The following SRGAP3 variants were observed in gnomAD, a reference collection of about 807,000 sequenced individuals.
The protein encoded by SRGAP3 is SLIT-ROBO Rho GTPase activating protein 3.
In SRGAP3, 39 loss-of-function variants were observed where a neutral mutation model predicts 121.1. The ratio of observed to expected loss-of-function variants is 0.32; its 90% CI spans 0.25 to 0.42. The LOEUF (loss-of-function observed/expected upper bound fraction) is 0.42. SRGAP3 is among the 10% of genes least tolerant of loss of function. SRGAP3 has a pLI of 1.00. For synonymous variants in SRGAP3, 601 were observed against 570.0 expected (o/e 1.05, Z -0.77); for missense variants, 1,213 against 1,470.6 (o/e 0.82, Z 2.86).
chr3:9,086,835 C>T lies in SRGAP3; in HGVS notation c.424-6748G>A, dbSNP rs1245315433. 2.3e-5 allele frequency among the ~76,000 whole-genome samples: 3 copies of T among 131,420 alleles called. No individual in the cohort carries two copies. In the East Asian group the frequency reaches 6.5e-4, roughly 29 times the overall value. 86.2% of individuals were successfully genotyped at this position (131,420 alleles called of 152,430 possible). On this transcript the variant is annotated intron_variant, in intron 3 of 21. Coordinates refer to ENST00000383836, the MANE Select transcript of SRGAP3 (RefSeq NM_014850.4). ...TATACATATACATATAGGTATAGTA[C>T]ATATGTATACATACTATACACATAT...
intron 1 of SRGAP3, among the ~76,000 whole-genome samples, chr3:9,128,880 G>A (rs181590204): frequency 5.9e-5 from 9 of 152,260 alleles, no homozygotes; most frequent in Admixed American, 2.0e-4. Context: ...GATAGAGGTC[G>A]GAAAAGTGGT....
chr3:9,264,437 G>T (rs1030397463), intron 3 of SRGAP3, among the ~76,000 whole-genome samples: 1 of 152,190 alleles, frequency 6.6e-6, no homozygotes, highest in African/African-American at 2.4e-5. Flanking sequence ...AATTGTCTCT[G>T]TTTGCAGATG....
At chr3:9,154,302 G>A (rs917130728) in intron 1 of SRGAP3, among the ~76,000 whole-genome samples, 12 of 151,968 alleles carry the variant, frequency 7.9e-5, no homozygotes, top group Admixed American at 5.2e-4. Context: ...CACCACCGCC[G>A]CCCCTGGGGA....
chr3:9,170,089 C>A (rs749976244), intron 1 of SRGAP3, among the ~76,000 whole-genome samples: 1 of 152,134 alleles, frequency 6.6e-6, no homozygotes, highest in South Asian at 2.1e-4. Flanking sequence ...CACCTGACAC[C>A]GCCCCACAGG....
At chr3:9,196,296 A>G (rs1951914035) in intron 1 of SRGAP3, among the ~76,000 whole-genome samples, 1 of 152,176 alleles carries the variant, frequency 6.6e-6, no homozygotes, top group Non-Finnish European at 1.5e-5. Flanking sequence ...TTCCATGGCT[A>G]CGGTGTGATT....
At chr3:9,144,075 ATTC>A (rs1949946591) in intron 1 of SRGAP3, among the ~76,000 whole-genome samples, 1 of 151,672 alleles carries the variant, frequency 6.6e-6, no homozygotes, top group Non-Finnish European at 1.5e-5. Flanking sequence ...TTTCAGATCA[ATTC>A]TTCTTTAGAA....
At chr3:9,136,057 A>G (rs918273391) in intron 1 of SRGAP3, among the ~76,000 whole-genome samples, 1 of 152,212 alleles carries the variant, frequency 6.6e-6, no homozygotes, top group Non-Finnish European at 1.5e-5. Flanking sequence ...CCCAGGCGCC[A>G]TCTCGCGCCC....
chr3:9,313,185 G>A (rs1032712668), intron 3 of SRGAP3, among the ~76,000 whole-genome samples: 2 of 151,992 alleles, frequency 1.3e-5, no homozygotes. Flanking sequence ...CCGCCTAAGA[G>A]CCTTTGCACT....
At chr3:9,199,848 A>T (rs1145156) in intron 1 of SRGAP3, among the ~76,000 whole-genome samples, 84,045 of 152,140 alleles carry the variant, frequency 0.55, 25,006 homozygotes, top group African/African-American at 0.78. Context: ...TTACAAACAC[A>T]TGGTCTCTGT....
chr3:9,267,232 G>A (rs564034092), intron 3 of SRGAP3, among the ~76,000 whole-genome samples: 22 of 152,248 alleles, frequency 1.4e-4, no homozygotes, highest in African/African-American at 5.1e-4. Flanking sequence ...TGATGACTGA[G>A]AAAGATATAG....
chr3:9,161,537 G>A (rs1950599114), intron 1 of SRGAP3, among the ~76,000 whole-genome samples: 1 of 152,236 alleles, frequency 6.6e-6, no homozygotes, highest in South Asian at 2.1e-4. Flanking sequence ...TATAAACCCT[G>A]CTCTATCTCC....
intron 15 of SRGAP3, 108 bp downstream of exon 15, chr3:9,015,489 C>A: frequency 7.0e-7 from 1 of 1,433,614 alleles, no homozygotes. Context: ...CGTCACACTT[C>A]GCCTTTCATA....
chr3:9,234,097 C>G (rs1953319610), intron 1 of SRGAP3, among the ~76,000 whole-genome samples: 2 of 151,902 alleles, frequency 1.3e-5, no homozygotes, highest in African/African-American at 4.8e-5. Context: ...AGGATCAGGC[C>G]AAGGATGGAG....
rs1424050472 is a variant in SRGAP3 at position 8,984,688 on chromosome 3, G to C, written c.*831C>G. 4.3e-6 allele frequency: 1 copy of C among 232,608 alleles called. No homozygotes were observed. Among genetic ancestry groups the C allele is most frequent in the African/African-American group, 2.2e-5 (1 of 45,236 alleles). The allele number at this position is 232,608 out of a possible 1,614,324, so 14.4% of individuals were successfully genotyped here. A position where few individuals can be genotyped will look rare whatever the true frequency, so the allele number is the denominator to read the frequency against. On this transcript the variant is annotated 3_prime_UTR_variant, in exon 22 of 22. Coordinates refer to ENST00000383836, the MANE Select transcript of SRGAP3 (RefSeq NM_014850.4). The stretch of plus-strand genomic sequence containing the variant: ...CTCCCATGCCTTTGGGAGTACAGTT[G>C]GCCTTTGGCCTCCGGGTGGAAGGGC...
intron 2 of SRGAP3, among the ~76,000 whole-genome samples, chr3:9,120,843 CCTTT>C (rs1319205196): frequency 6.6e-6 from 1 of 152,216 alleles, no homozygotes; most frequent in African/African-American, 2.4e-5. Context: ...ATCACGTGGG[CCTTT>C]CTTTGGATCA....
At chr3:9,274,083 G>A (rs572082978) in intron 3 of SRGAP3, among the ~76,000 whole-genome samples, 1 of 152,224 alleles carries the variant, frequency 6.6e-6, no homozygotes, top group Non-Finnish European at 1.5e-5. Context: ...TACACTTCTT[G>A]AGAGCAGAGA....
chr3:8,983,802 C>T lies in SRGAP3; in HGVS notation c.*1717G>A. 4.3e-6 allele frequency: 1 copy of T among 230,442 alleles called. No homozygotes were observed. The highest frequency in any genetic ancestry group is 8.6e-6 in the Non-Finnish European group (1 of 116,294). The allele number at this position is 230,442 out of a possible 1,614,324, so 14.3% of individuals were successfully genotyped here. A position where few individuals can be genotyped will look rare whatever the true frequency, so the allele number is the denominator to read the frequency against. ...TTTTATGGAGCAGAACAGTCAGGCT[C>T]AATGAGGTGGAGTGACAAACCCTAA... On this transcript the variant is annotated 3_prime_UTR_variant, in exon 22 of 22. Transcript: ENST00000383836.
At chr3:8,998,226 C>CT (rs1169996516) in intron 18 of SRGAP3, among the ~76,000 whole-genome samples, 2 of 152,240 alleles carry the variant, frequency 1.3e-5, no homozygotes, top group African/African-American at 2.4e-5. Flanking sequence ...AGACAAGTGT[C>CT]TTCCCTTTAC....
chr3:9,159,199 T>C (rs943165225), intron 1 of SRGAP3, among the ~76,000 whole-genome samples: 14 of 151,858 alleles, frequency 9.2e-5, no homozygotes, highest in African/African-American at 2.2e-4. Flanking sequence ...CCACCCACCA[T>C]CCCACCAGAC....
Sources: allele counts gnomAD v4.1 joint callset (sites outside exome capture counted in the v4.1 genomes callset), GRCh38; gene constraint gnomAD v4.1.1; transcripts MANE v1.5; gene names NCBI Gene and HGNC (gene_info 2026-07-23, HGNC 2026-07-21).